The following ANAPC10 variants were observed in gnomAD, a reference collection of about 807,000 sequenced individuals.
The protein encoded by ANAPC10 is anaphase-promoting complex subunit 10.
A neutral mutation model predicts 22.0 loss-of-function variants in ANAPC10; 12 were observed. The ratio of observed to expected loss-of-function variants is 0.55; its 90% confidence interval spans 0.35 to 0.88. ANAPC10 has a LOEUF of 0.88. Among genes scored for constraint, ANAPC10 ranks in the 40% least tolerant of loss-of-function variants. ANAPC10 has a pLI of 0.01. For synonymous variants in ANAPC10, 65 were observed against 69.5 expected (o/e 0.94, Z 0.32); for missense variants, 188 against 220.9 (o/e 0.85, Z 0.94).
intron 3 of ANAPC10, among the ~76,000 whole-genome samples, chr4:145,067,239 C>CTAT (rs1743837102): frequency 6.6e-6 from 1 of 152,052 alleles, no homozygotes; most frequent in South Asian, 2.1e-4. Context: ...AACATACAGA[C>CTAT]TATTACACAT....
intron 4 of ANAPC10, among the ~76,000 whole-genome samples, chr4:145,054,911 A>G (rs562793708): frequency 6.6e-6 from 1 of 152,176 alleles, no homozygotes; most frequent in African/African-American, 2.4e-5. Context: ...GTACTCTTCT[A>G]CTTTATAACT....
At chr4:145,049,401 G>C (rs1190062269) in intron 4 of ANAPC10, among the ~76,000 whole-genome samples, 2 of 152,146 alleles carry the variant, frequency 1.3e-5, no homozygotes, top group African/African-American at 4.8e-5. Flanking sequence ...ATTGGAGTCA[G>C]TCTTCTTTTA....
In ANAPC10 at chr4:145,073,534, T is replaced by C. The variant is rs563577333; in HGVS notation, c.206+8126A>G. 1.1e-4 allele frequency among the ~76,000 whole-genome samples: 17 copies of C among 152,242 alleles called. No homozygotes were observed. In the South Asian group the frequency reaches 3.5e-3, roughly 32 times the overall value. On this transcript the variant is annotated intron_variant, in intron 3 of 4. Coordinates refer to ENST00000507656, the MANE Select transcript of ANAPC10 (RefSeq NM_001256706.2). Reference sequence around the variant, plus strand: ...TAAGCAATTTACATCCATACATATATTGGTATTAAAGTATATATAGGATTT... The same window carrying C: ...TAAGCAATTTACATCCATACATATACTGGTATTAAAGTATATATAGGATTT...
chr4:145,066,232 G>A (rs1294061928), intron 3 of ANAPC10, among the ~76,000 whole-genome samples: 2 of 151,988 alleles, frequency 1.3e-5, no homozygotes, highest in Non-Finnish European at 2.9e-5. Context: ...ACTTTTCCTC[G>A]GATCAAGAGG....
At chr4:145,041,009 C>T (rs1014799142) in intron 4 of ANAPC10, among the ~76,000 whole-genome samples, 2 of 152,124 alleles carry the variant, frequency 1.3e-5, no homozygotes, top group Non-Finnish European at 2.9e-5. Flanking sequence ...CCAATATACA[C>T]CTCCAGTTAT....
At chr4:144,997,324 G>A (rs1338972569) in intron 4 of ANAPC10, among the ~76,000 whole-genome samples, 1 of 152,132 alleles carries the variant, frequency 6.6e-6, no homozygotes, top group East Asian at 1.9e-4. Context: ...AAAATATTAA[G>A]GGCAGCCAGA....
intron 4 of ANAPC10, among the ~76,000 whole-genome samples, chr4:145,025,312 C>T (rs947083797): frequency 6.7e-6 from 1 of 149,262 alleles, no homozygotes; most frequent in Non-Finnish European, 1.5e-5. Context: ...TAGCTTTTGG[C>T]CTATTTTGGC....
intron 3 of ANAPC10, among the ~76,000 whole-genome samples, chr4:145,075,697 C>T (rs989684993): frequency 1.3e-5 from 2 of 152,188 alleles, no homozygotes; most frequent in Middle Eastern, 6.3e-3. Context: ...TCCACTCTCA[C>T]CATGTATCTC....
At chr4:145,037,391 G>A (rs1260121141) in intron 4 of ANAPC10, among the ~76,000 whole-genome samples, 1 of 151,692 alleles carries the variant, frequency 6.6e-6, no homozygotes, top group Non-Finnish European at 1.5e-5. Flanking sequence ...TTATTATGCT[G>A]GCATGAGTCA....
intron 4 of ANAPC10, among the ~76,000 whole-genome samples, chr4:145,058,690 T>C (rs1380045390): frequency 1.3e-5 from 2 of 152,124 alleles, no homozygotes; most frequent in Admixed American, 1.3e-4. Flanking sequence ...CAAGATACAA[T>C]TAAGTTTCTA....
At chr4:145,075,726 A>C (rs1053022807) in intron 3 of ANAPC10, among the ~76,000 whole-genome samples, 1 of 152,160 alleles carries the variant, frequency 6.6e-6, no homozygotes, top group Non-Finnish European at 1.5e-5. Context: ...TAGTGGCAGG[A>C]GGCCCCACAA....
At chr4:145,077,850 C>G (rs545720376) in intron 3 of ANAPC10, among the ~76,000 whole-genome samples, 33 of 152,262 alleles carry the variant, frequency 2.2e-4, no homozygotes, top group African/African-American at 7.9e-4. Flanking sequence ...CCTCAACAAA[C>G]TAGGCATTGA....
intron 4 of ANAPC10, among the ~76,000 whole-genome samples, chr4:145,006,899 T>C (rs1299724200): frequency 6.6e-6 from 1 of 152,108 alleles, no homozygotes; most frequent in Non-Finnish European, 1.5e-5. Flanking sequence ...TCCTTAAATG[T>C]TGCATTCCTC....
intron 4 of ANAPC10, among the ~76,000 whole-genome samples, chr4:145,056,751 A>G (rs965629852): frequency 7.9e-5 from 12 of 152,034 alleles, no homozygotes; most frequent in African/African-American, 2.9e-4. Context: ...CCAAATGCTC[A>G]CCCCTGCTCT....
At chr4:144,998,089 T>C (rs1368410837) in intron 4 of ANAPC10, among the ~76,000 whole-genome samples, 2 of 152,140 alleles carry the variant, frequency 1.3e-5, no homozygotes, top group African/African-American at 4.8e-5. Flanking sequence ...AGCAAGTCCT[T>C]AGAGATCTAT....
At chr4:145,003,475 GA>G (rs1481095302) in intron 4 of ANAPC10, among the ~76,000 whole-genome samples, 1 of 152,060 alleles carries the variant, frequency 6.6e-6, no homozygotes, top group Non-Finnish European at 1.5e-5. Context: ...CAAAATGGCT[GA>G]ACTAATTTAC....
At chr4:145,011,336 A>AAAAAT (rs70956822) in intron 4 of ANAPC10, among the ~76,000 whole-genome samples, 19,832 of 130,016 alleles carry the variant, frequency 0.15, 1,761 homozygotes, top group South Asian at 0.27. Context: ...GACTGTCTTA[A>AAAAAT]AAAATAAAAT....
chr4:144,996,002 T>A (rs35059045), intron 4 of ANAPC10, among the ~76,000 whole-genome samples: 348 of 152,284 alleles, frequency 2.3e-3, no homozygotes, highest in African/African-American at 7.8e-3. Context: ...GAATACTAAG[T>A]AGATACTCAT....
intron 3 of ANAPC10, among the ~76,000 whole-genome samples, chr4:145,067,666 T>C (rs1743904860): frequency 6.6e-6 from 1 of 152,222 alleles, no homozygotes; most frequent in Admixed American, 6.5e-5. Flanking sequence ...ATAAAGTTGA[T>C]ATTTTGGCCG....
Sources: gnomAD v4.1 joint callset for allele counts (sites outside exome capture counted in the v4.1 genomes callset) on GRCh38, gnomAD v4.1.1 for gene constraint, MANE v1.5 for transcripts, NCBI Gene and HGNC (gene_info 2026-07-23, HGNC 2026-07-21) for gene names.